Variants in MMP25 observed in about 807,000 individuals in gnomAD.
MMP25 encodes the protein matrix metalloproteinase-25.
Under a neutral mutation model 62.1 loss-of-function variants are expected in MMP25, and 68 were observed. The observed-to-expected ratio is 1.10, with a 90% confidence interval of 0.90 to 1.34. The LOEUF (loss-of-function observed/expected upper bound fraction) is 1.34. Among genes scored for constraint, MMP25 ranks in the 40% most tolerant of loss-of-function variants. MMP25 has a pLI of 0.00. For missense variants in MMP25, 942 were observed against 792.5 expected (o/e 1.19, Z -2.26); for synonymous variants, 407 against 345.6 (o/e 1.18, Z -1.97).
intron 4 of MMP25, chr16:3,053,665 C>G (rs1326590655): frequency 1.3e-5 from 2 of 151,952 alleles, no homozygotes; most frequent in East Asian, 3.9e-4. Context: ...TACAGAGCTA[C>G]AGAGAACCCC....
At position 3,057,363 on chromosome 16, in the gene MMP25, C is replaced by G; in HGVS notation, c.892C>G (p.Pro298Ala). 1.2e-6 allele frequency: 2 copies of G among 1,613,582 alleles called. No homozygotes were observed. The highest frequency in any genetic ancestry group is 1.7e-6 in the Non-Finnish European group (2 of 1,179,760). ...GCCCACAAGGAAACCCCTGGCTCCT[C>G]CGCCCCAGCCCCCGGCCTCGCCCAC... ...DKPTRKPLAP[P>A]PQPPASPTHS... Residue 298 changes from proline to alanine, a missense_variant, in exon 6 of 10, where the codon CCG becomes GCG. Pro to Ala is a conservative substitution (Grantham distance 27). Transcript: ENST00000336577.
Position 3,058,586 on chromosome 16 carries a change from G to A in MMP25, c.1334G>A (p.Arg445His). Residue 445 changes from arginine to histidine, a missense_variant, in exon 9 of 10, where the codon CGC becomes CAC. Transcript: ENST00000336577. The stretch of plus-strand genomic sequence containing the variant: ...TGGCGCTACGACGAGGCGGCGGCGC[G>A]CCCGGACCCCGGCTACCCTCGCGAC... ...QYWRYDEAAA[R>H]PDPGYPRDLS... 2 of 1,607,890 alleles carry A rather than the reference G, an allele frequency of 1.2e-6. No individual in the cohort carries two copies. The highest frequency in any genetic ancestry group is 1.7e-6 in the Non-Finnish European group (2 of 1,178,026).
rs1956091030 is a variant in MMP25 at position 3,060,289 on chromosome 16, C to T, written c.*1191C>T. On this transcript the variant is annotated 3_prime_UTR_variant, in exon 10 of 10. Transcript: ENST00000336577. ...CCTCACTCAGGGTGGGGTCAGGAAT[C>T]TGCATTTTAACTAGTCGCGGGGATT... 1 of 152,234 alleles carries T rather than the reference C, an allele frequency of 6.6e-6. No individual in the cohort carries two copies. Among genetic ancestry groups the T allele is most frequent in the African/African-American group, 2.4e-5 (1 of 41,446 alleles). 9.4% of individuals were successfully genotyped at this position (152,234 alleles called of 1,614,324 possible).
intron 2 of MMP25, among the ~76,000 whole-genome samples, chr16:3,048,299 C>A (rs1314179539): frequency 6.6e-6 from 1 of 152,180 alleles, no homozygotes; most frequent in South Asian, 2.1e-4. Flanking sequence ...CAGATGGAGA[C>A]CCAGTCTCTA....
rs1955836226 is a variant in MMP25 at position 3,047,430 on chromosome 16, T to A, written c.115T>A (p.Tyr39Asn). 6.2e-7 allele frequency: 1 copy of A among 1,613,506 alleles called. No individual in the cohort carries two copies. The change falls in exon 2 of 10, where the codon TAT (tyrosine) becomes AAT (asparagine). Residue 39 changes from tyrosine to asparagine, a missense_variant. Transcript: ENST00000336577. Reference sequence around the variant, plus strand: ...GATGCCCTAGGACTGGCTGACTCGCTATGGTTACCTGCCGCCACCCCACCC... The same window carrying A: ...GATGCCCTAGGACTGGCTGACTCGCAATGGTTACCTGCCGCCACCCCACCC... ...VSLGVDWLTR[Y>N]GYLPPPHPAQ...
Position 3,047,530 on chromosome 16 carries a change from C to A in MMP25, c.215C>A (p.Pro72Gln). Residue 72 changes from proline to glutamine, a missense_variant, in exon 2 of 10, where the codon CCG (proline) becomes CAG (glutamine). Physicochemically the swap from Pro to Gln is moderately conservative, Grantham distance 76. Coordinates refer to ENST00000336577, the MANE Select transcript of MMP25 (RefSeq NM_022468.5). ...IKVMQRFAGL[P>Q]ETGRMDPGTV... ...GTCATGCAGAGGTTCGCGGGGCTGC[C>A]GGAGACCGGCCGCATGGGTAGGTGG... 1 of 1,613,342 alleles carries A rather than the reference C, an allele frequency of 6.2e-7. No homozygotes were observed. Among genetic ancestry groups the A allele is most frequent in the Non-Finnish European group, 8.5e-7 (1 of 1,179,894 alleles).
chr16:3,046,724 CG>C lies in MMP25; in HGVS notation c.-191del, dbSNP rs927402490. 3.3e-4 allele frequency: 140 copies of C among 418,920 alleles called. No homozygotes were observed. Among genetic ancestry groups the C allele is most frequent in the African/African-American group, 2.7e-3 (132 of 48,112 alleles). The allele number at this position is 418,920 out of a possible 1,614,324, so 26.0% of individuals were successfully genotyped here. On this transcript the variant is annotated 5_prime_UTR_variant, in exon 1 of 10. Transcript: ENST00000336577. ...ACCCAGCGGCGCGACCCTGGCCCTC[CG>C]GGACCCTCCGCTGACTCCACCGCGC...
At chr16:3,047,378 A>G (rs1360602171) in intron 1 of MMP25, 37 bp from the exon 2 acceptor site, 1 of 1,589,680 alleles carries the variant, frequency 6.3e-7, no homozygotes, top group South Asian at 1.1e-5. Flanking sequence ...CATACTTTTC[A>G]CCCAGCCCGC....
rs1471247360 is a variant in MMP25 at position 3,059,103 on chromosome 16, G to A, written c.*5G>A. The A allele has an allele frequency of 3.3e-6, 5 of 1,537,646 alleles. No homozygotes were observed. The highest frequency in any genetic ancestry group is 4.4e-6 in the Non-Finnish European group (5 of 1,139,152). ...GGGGGTGTAGCCTCCCGCTGATGGG[G>A]GGAGCCATCCAGACCGAACAGCGCC... On this transcript the variant is annotated 3_prime_UTR_variant, in exon 10 of 10. Coordinates refer to ENST00000336577, the MANE Select transcript of MMP25 (RefSeq NM_022468.5).
chr16:3,050,228 C>A, intron 3 of MMP25, 26 bp from the exon 4 acceptor site: 6 of 1,580,024 alleles, frequency 3.8e-6, no homozygotes, highest in Non-Finnish European at 5.2e-6. Context: ...CACGGCCACC[C>A]TTACACCTCA....
chr16:3,053,572 T>A (rs1256725938), intron 4 of MMP25: 28 of 152,366 alleles, frequency 1.8e-4, no homozygotes, highest in African/African-American at 6.3e-4. Flanking sequence ...CTGTCGGAGC[T>A]GGGCTAGCGG....
Position 3,047,022 on chromosome 16 carries a change from C to A in MMP25, c.99+6C>A, listed in dbSNP as rs1955831196. 7.0e-7 allele frequency: 1 copy of A among 1,433,410 alleles called. No individual in the cohort carries two copies. The highest frequency in any genetic ancestry group is 9.1e-7 in the Non-Finnish European group (1 of 1,101,294). The allele number at this position is 1,433,410 out of a possible 1,614,324, so 88.8% of individuals were successfully genotyped here. A position where few individuals can be genotyped will look rare whatever the true frequency, so the allele number is the denominator to read the frequency against. ...AGGACGTGAGCCTGGGCGTGGTGAG[C>A]GCGGGGTCCGCAGGCTCCTGGGGTC... On this transcript the variant is annotated splice_donor_region_variant and intron_variant, in intron 1 of 9. Transcript: ENST00000336577.
At chr16:3,050,220 C>A (rs11862874) in intron 3 of MMP25, 34 bp from the exon 4 acceptor site, 2 of 1,575,392 alleles carry the variant, frequency 1.3e-6, no homozygotes, top group Admixed American at 3.5e-5. Context: ...GCTCCCTCCA[C>A]GGCCACCCTT....
chr16:3,047,349 G>T (rs986092338), intron 1 of MMP25, 66 bp from the exon 2 acceptor site: 3 of 1,551,720 alleles, frequency 1.9e-6, no homozygotes, highest in African/African-American at 1.4e-5. Flanking sequence ...TGCCAGGATG[G>T]TGGTGGGCAG....
In MMP25 at chr16:3,058,932, G is replaced by A. The variant is rs1432258883; in HGVS notation, c.1523G>A (p.Cys508Tyr). The change falls in exon 10 of 10, where the codon TGC becomes TAC. Residue 508 changes from cysteine to tyrosine, a missense_variant. Cys to Tyr is a radical substitution (Grantham distance 194). Coordinates refer to ENST00000336577, the MANE Select transcript of MMP25 (RefSeq NM_022468.5). ...CCCATGGGGCCCAACTGGCTGGACT[G>A]CCCCGCCCCGAGCTCTGGTCCCCGC... ...PQPMGPNWLD[C>Y]PAPSSGPRAP... The A allele has an allele frequency of 3.2e-6, 5 of 1,549,032 alleles. No individual in the cohort carries two copies. The highest frequency in any genetic ancestry group is 4.4e-6 in the Non-Finnish European group (5 of 1,146,180).
intron 4 of MMP25, chr16:3,052,866 T>G (rs559980726): frequency 6.6e-6 from 1 of 152,244 alleles, no homozygotes; most frequent in African/African-American, 2.4e-5. Context: ...AGGGAAATTC[T>G]TGTGCAAGCA....
At chr16:3,058,379 C>T in intron 8 of MMP25, 33 bp from the exon 9 acceptor site, 4 of 1,501,628 alleles carry the variant, frequency 2.7e-6, no homozygotes, top group South Asian at 1.3e-5. Context: ...GCGCGGGGAG[C>T]CCACCCCTGA....
chr16:3,058,452 CG>C lies in MMP25; in HGVS notation c.1204del (p.Ala402ArgfsTer53), dbSNP rs995044758. The C allele has an allele frequency of 9.4e-6, 15 of 1,591,604 alleles. No homozygotes were observed. Among genetic ancestry groups the C allele is most frequent in the Non-Finnish European group, 1.3e-5 (15 of 1,170,094 alleles). On this transcript the variant is annotated frameshift_variant, in exon 9 of 10. Transcript: ENST00000336577. LOFTEE classifies it high-confidence loss of function. Reference sequence around the variant, plus strand: ...TGTTCCAGGACCGGCAGCTGGAGGGCGGGGCGCGGCCGCTCACGGAGCTGGG... The same window carrying C: ...TGTTCCAGGACCGGCAGCTGGAGGGCGGGCGCGGCCGCTCACGGAGCTGGG... ...WVFQDRQLEG[G>X]ARPLTELGLP...
intron 4 of MMP25, chr16:3,053,934 T>A (rs1273545668): frequency 2.0e-5 from 3 of 151,472 alleles, no homozygotes; most frequent in Admixed American, 6.6e-5. Context: ...AAGTGAAGAT[T>A]GAGTTGAGAC....
Sources: allele counts gnomAD v4.1 joint callset (sites outside exome capture counted in the v4.1 genomes callset), GRCh38; gene constraint gnomAD v4.1.1; transcripts MANE v1.5; gene names NCBI Gene and HGNC (gene_info 2026-07-23, HGNC 2026-07-21).